PLCL2: variants seen among roughly 807,000 people sequenced by gnomAD.
PLCL2 encodes phospholipase C like 2, also known as inactive phospholipase C-like protein 2.
A neutral mutation model predicts 79.6 loss-of-function variants in PLCL2; 4 were observed. The ratio of observed to expected loss-of-function variants is 0.05; its 90% CI spans 0.02 to 0.11. The LOEUF is 0.11. Among genes scored for constraint, PLCL2 ranks in the 10% least tolerant of loss-of-function variants. PLCL2 has a pLI of 1.00. For synonymous variants in PLCL2, 484 were observed against 457.7 expected (o/e 1.06, Z -0.73); for missense variants, 895 against 1,291.0 (o/e 0.69, Z 4.70).
At chr3:16,933,613 A>G (rs1697463503) in intron 1 of PLCL2, among the ~76,000 whole-genome samples, 1 of 151,986 alleles carries the variant, frequency 6.6e-6, no homozygotes, top group African/African-American at 2.4e-5. Flanking sequence ...AATATTGTTC[A>G]GCATTTTTAT....
In PLCL2 at chr3:17,077,895, C is replaced by T. The variant is rs141455332; in HGVS notation, c.3204+9830C>T. On this transcript the variant is annotated intron_variant, in intron 5 of 5. Coordinates refer to ENST00000615277, the MANE Select transcript of PLCL2 (RefSeq NM_001144382.2). ...GAGGTAGCTGCTCCTCTCTGTGGAA[C>T]AGGGGTCTTTCTGCTTATCTTTCTG... is the stretch of plus-strand genomic sequence containing the variant. Among the ~76,000 whole-genome samples, 757 of 152,324 alleles carry T rather than the reference C, an allele frequency of 5.0e-3. 6 individuals are homozygous for T. Among genetic ancestry groups the T allele is most frequent in the African/African-American group, 0.017 (695 of 41,574 alleles).
intron 1 of PLCL2, among the ~76,000 whole-genome samples, chr3:16,922,592 G>C (rs1339209216): frequency 2.0e-5 from 3 of 152,046 alleles, no homozygotes; most frequent in Non-Finnish European, 4.4e-5. Context: ...ACAATATTAG[G>C]TGCTGTTGAA....
chr3:16,971,357 A>C (rs906009517), intron 1 of PLCL2, among the ~76,000 whole-genome samples: 4 of 152,144 alleles, frequency 2.6e-5, no homozygotes, highest in African/African-American at 7.2e-5. Context: ...AGGTTTGTCA[A>C]AGATCAGATA....
chr3:17,086,953 C>CG (rs545304613), intron 5 of PLCL2, among the ~76,000 whole-genome samples: 164 of 152,302 alleles, frequency 1.1e-3, no homozygotes, highest in African/African-American at 3.8e-3. Context: ...CAATGAGATA[C>CG]CAATACACAT....
At chr3:16,932,551 A>G (rs1000252724) in intron 1 of PLCL2, among the ~76,000 whole-genome samples, 7 of 152,178 alleles carry the variant, frequency 4.6e-5, no homozygotes, top group African/African-American at 1.7e-4. Context: ...AAGAAGTAAG[A>G]TGTTTCATAA....
intron 1 of PLCL2, among the ~76,000 whole-genome samples, chr3:16,902,879 T>C (rs59924837): frequency 2.7e-5 from 4 of 146,592 alleles, no homozygotes; most frequent in Non-Finnish European, 4.5e-5. Context: ...TGTGTGTGTG[T>C]GTGNGCGCAT....
intron 1 of PLCL2, among the ~76,000 whole-genome samples, chr3:16,948,597 G>A (rs1300946343): frequency 1.3e-5 from 2 of 152,130 alleles, no homozygotes. Context: ...TTCATTTAAT[G>A]AAATGGAAGA....
rs147796207 is a variant in PLCL2 at position 17,071,944 on chromosome 3, A to T, written c.3204+3879A>T. 7.5e-3 allele frequency among the ~76,000 whole-genome samples: 1,139 copies of T among 151,954 alleles called. 14 individuals are homozygous for T. Among genetic ancestry groups the T allele is most frequent in the African/African-American group, 0.025 (1,042 of 41,420 alleles). On this transcript the variant is annotated intron_variant, in intron 5 of 5. Coordinates refer to ENST00000615277, the MANE Select transcript of PLCL2 (RefSeq NM_001144382.2). ...TGGGTTCAAGTGATTCTCCTGCCTC[A>T]GCCTCCCAAATAGCTGGGACTATAT... is the stretch of plus-strand genomic sequence containing the variant.
Position 17,009,658 on chromosome 3 carries a change from CT to C in PLCL2, c.328-9del. On this transcript the variant is annotated splice_polypyrimidine_tract_variant and intron_variant, in intron 1 of 5. Coordinates refer to ENST00000615277, the MANE Select transcript of PLCL2 (RefSeq NM_001144382.2). This position sits in a 1 kb window ranked among gnomAD's most constrained non-coding sequence, Gnocchi z 4.0. ...TATTTATGTTATTCTAATATACGGT[CT>C]TTTTTTCCTCTCAGGATGGTACAAA... 1.4e-6 allele frequency: 2 copies of C among 1,393,660 alleles called. No individual in the cohort carries two copies. The highest frequency in any genetic ancestry group is 2.0e-6 in the Non-Finnish European group (2 of 1,008,208). 86.3% of individuals were successfully genotyped at this position (1,393,660 alleles called of 1,614,324 possible).
chr3:16,951,274 G>T (rs1178289242), intron 1 of PLCL2, among the ~76,000 whole-genome samples: 2 of 151,736 alleles, frequency 1.3e-5, no homozygotes, highest in Admixed American at 1.3e-4. Flanking sequence ...CATCTCAGTG[G>T]TTTTCTTTTT....
intron 1 of PLCL2, among the ~76,000 whole-genome samples, chr3:16,904,190 G>A (rs1197876029): frequency 1.3e-5 from 2 of 152,000 alleles, no homozygotes; most frequent in African/African-American, 4.8e-5. Context: ...GTTTTGTCAA[G>A]TCTGCTGGCC....
intron 1 of PLCL2, among the ~76,000 whole-genome samples, chr3:16,936,522 A>G (rs1422519659): frequency 1.3e-5 from 2 of 152,192 alleles, no homozygotes; most frequent in Non-Finnish European, 2.9e-5. Context: ...ATTGTTTAAA[A>G]AAAAAAGAAA....
chr3:17,027,194 A>G (rs534827110), intron 3 of PLCL2, among the ~76,000 whole-genome samples: 2 of 152,326 alleles, frequency 1.3e-5, no homozygotes, highest in African/African-American at 4.8e-5. Flanking sequence ...CTTTGAGTCC[A>G]GTTTTACCAA....
In PLCL2 at chr3:16,971,572, C is replaced by T. The variant is rs541567320; in HGVS notation, c.328-38102C>T. ...CATATGAACTTTAAAGTAGTTTTTT[C>T]TAATTCTGTGAAGAAAGTCATTGGT... On this transcript the variant is annotated intron_variant, in intron 1 of 5. Coordinates refer to ENST00000615277, the MANE Select transcript of PLCL2 (RefSeq NM_001144382.2). 2.8e-3 allele frequency among the ~76,000 whole-genome samples: 433 copies of T among 152,246 alleles called. 2 individuals are homozygous for T. Among genetic ancestry groups the T allele is most frequent in the African/African-American group, 9.7e-3 (404 of 41,538 alleles).
At chr3:17,000,305 G>A (rs1327276516) in intron 1 of PLCL2, among the ~76,000 whole-genome samples, 1 of 151,968 alleles carries the variant, frequency 6.6e-6, no homozygotes, top group East Asian at 1.9e-4. Flanking sequence ...GAATTATCTT[G>A]TATTTTTTTC....
intron 1 of PLCL2, among the ~76,000 whole-genome samples, chr3:16,992,202 C>T (rs868257634): frequency 9.2e-5 from 14 of 152,068 alleles, no homozygotes; most frequent in Admixed American, 5.2e-4. Flanking sequence ...GGGTGGTGAT[C>T]GGGGTGGAGT....
At chr3:16,960,334 C>T (rs1015783723) in intron 1 of PLCL2, among the ~76,000 whole-genome samples, 1 of 152,214 alleles carries the variant, frequency 6.6e-6, no homozygotes, top group African/African-American at 2.4e-5. Flanking sequence ...CATCTTACCT[C>T]GCCTGGCCTT....
chr3:17,047,262 G>A (rs2124925046), intron 4 of PLCL2, among the ~76,000 whole-genome samples: 1 of 152,344 alleles, frequency 6.6e-6, no homozygotes, highest in African/African-American at 2.4e-5. Context: ...CACCCACAAG[G>A]CCTGGGAGAG....
At position 16,955,070 on chromosome 3, in the gene PLCL2, C is replaced by T. The variant is rs188546296; in HGVS notation, c.328-54604C>T. On this transcript the variant is annotated intron_variant, in intron 1 of 5. Transcript: ENST00000615277. ...TCAATTTTGGCTTTTGTTGCCATTG[C>T]TTTTGGTGTTTTAGACATGAAGTCC... is the stretch of plus-strand genomic sequence containing the variant. 6.6e-5 allele frequency among the ~76,000 whole-genome samples: 10 copies of T among 152,290 alleles called. No homozygotes were observed. In the East Asian group the frequency reaches 1.7e-3, roughly 26 times the overall value.
Sources: allele counts gnomAD v4.1 joint callset (sites outside exome capture counted in the v4.1 genomes callset), GRCh38; gene constraint gnomAD v4.1.1; non-coding constraint Gnocchi (gnomAD v3.1); transcripts MANE v1.5; gene names NCBI Gene and HGNC (gene_info 2026-07-23, HGNC 2026-07-21).